The following MYT1L variants were observed in gnomAD, a reference collection of about 807,000 sequenced individuals.
MYT1L encodes the protein myelin transcription factor 1-like protein.
MYT1L carries 12 observed loss-of-function variants against 126.7 expected under a neutral mutation model. That is an observed-to-expected ratio of 0.09 (90% CI 0.06 to 0.15). The LOEUF (loss-of-function observed/expected upper bound fraction) is 0.15. Among genes scored for constraint, MYT1L ranks in the 10% least tolerant of loss-of-function variants. The pLI is 1.00. For synonymous variants in MYT1L, 541 were observed against 604.2 expected (o/e 0.90, Z 1.53); for missense variants, 979 against 1,585.2 (o/e 0.62, Z 6.49).
In MYT1L at chr2:2,293,662, G is replaced by A. The variant is rs149358902; in HGVS notation, c.-520-9159C>T. On this transcript the variant is annotated intron_variant, in intron 1 of 24. Transcript: ENST00000647738. ...TGTCTGTGTCCCTTAGGTGCGCAGG[G>A]CCAAAGCTTCCGCCTGAGGCTGCCC... Among the ~76,000 whole-genome samples, 140 of 152,300 alleles carry A rather than the reference G, an allele frequency of 9.2e-4. 1 individual carries two copies. The highest frequency in any genetic ancestry group is 3.2e-3 in the African/African-American group (132 of 41,568).
At chr2:2,058,310 T>C (rs180821760) in intron 3 of MYT1L, among the ~76,000 whole-genome samples, 1 of 152,284 alleles carries the variant, frequency 6.6e-6, no homozygotes, top group South Asian at 2.1e-4. Context: ...TCATTGTATA[T>C]TCTAGATACT....
At chr2:2,292,081 G>A (rs1319666914) in intron 1 of MYT1L, among the ~76,000 whole-genome samples, 1 of 152,188 alleles carries the variant, frequency 6.6e-6, no homozygotes, top group East Asian at 1.9e-4. Context: ...GCTTCCCTCT[G>A]TTGGTGTGGA....
intron 3 of MYT1L, among the ~76,000 whole-genome samples, chr2:2,129,163 G>A (rs989527182): frequency 6.6e-6 from 1 of 152,222 alleles, no homozygotes; most frequent in African/African-American, 2.4e-5. Flanking sequence ...TGAATGTGGT[G>A]ATGCAGCAGA....
chr2:1,918,754 C>T (rs1054297151), intron 10 of MYT1L, among the ~76,000 whole-genome samples: 4 of 152,150 alleles, frequency 2.6e-5, no homozygotes, highest in African/African-American at 7.2e-5. Context: ...TACAATCATC[C>T]GTTACTTTCC....
chr2:2,037,812 A>AC (rs113684353), intron 4 of MYT1L, among the ~76,000 whole-genome samples: 20,084 of 151,754 alleles, frequency 0.13, 1,604 homozygotes, highest in African/African-American at 0.2. Context: ...AACAAAAAAA[A>AC]AACCCCCTAC....
At chr2:2,084,433 G>T (rs2150339918) in intron 3 of MYT1L, among the ~76,000 whole-genome samples, 1 of 152,338 alleles carries the variant, frequency 6.6e-6, no homozygotes, top group East Asian at 1.9e-4. Flanking sequence ...GATCAGGTTA[G>T]AAAACACTGA....
intron 14 of MYT1L, among the ~76,000 whole-genome samples, chr2:1,896,348 G>A (rs745989532): frequency 4.6e-5 from 7 of 152,174 alleles, no homozygotes; most frequent in Non-Finnish European, 8.8e-5. Context: ...TTACCCAAAT[G>A]AAAATAGATC....
chr2:2,115,427 G>A (rs907899787), intron 3 of MYT1L, among the ~76,000 whole-genome samples: 5 of 152,192 alleles, frequency 3.3e-5, no homozygotes, highest in Admixed American at 6.5e-5. Context: ...GTTCTCTCAC[G>A]TTTTTATAAA....
chr2:1,947,310 C>T (rs6548052), intron 8 of MYT1L, among the ~76,000 whole-genome samples: 26,696 of 152,100 alleles, frequency 0.18, 3,493 homozygotes, highest in African/African-American at 0.36. Flanking sequence ...ATGTTGGCCC[C>T]ATGAGGTTTA....
chr2:1,869,740 A>G (rs993319595), intron 18 of MYT1L, among the ~76,000 whole-genome samples: 2 of 152,152 alleles, frequency 1.3e-5, no homozygotes, highest in African/African-American at 2.4e-5. Context: ...GACTTGGAAG[A>G]TGATTATTAT....
chr2:1,837,616 C>T (rs1001011106), intron 21 of MYT1L, among the ~76,000 whole-genome samples: 1 of 152,066 alleles, frequency 6.6e-6, no homozygotes, highest in African/African-American at 2.4e-5. Flanking sequence ...CTGGACAGGA[C>T]ACCAGGTGGC....
At chr2:2,070,860 T>C (rs2074516169) in intron 3 of MYT1L, among the ~76,000 whole-genome samples, 1 of 152,188 alleles carries the variant, frequency 6.6e-6, no homozygotes, top group Admixed American at 6.5e-5. Flanking sequence ...TTAATATCGA[T>C]TTGAATATTC....
At chr2:2,132,516 T>G (rs191237460) in intron 3 of MYT1L, among the ~76,000 whole-genome samples, 2 of 148,268 alleles carry the variant, frequency 1.3e-5, no homozygotes, top group African/African-American at 5.0e-5. Flanking sequence ...TAAGTGGGAG[T>G]TGAACAATGA....
At chr2:1,879,838 CATTTG>C (rs1437231473) in intron 18 of MYT1L, among the ~76,000 whole-genome samples, 24 of 152,184 alleles carry the variant, frequency 1.6e-4, no homozygotes, top group Admixed American at 1.3e-3. Flanking sequence ...CATTATTTTA[CATTTG>C]ATTTGATGAC....
intron 4 of MYT1L, among the ~76,000 whole-genome samples, chr2:2,010,987 C>T (rs2149757716): frequency 6.6e-6 from 1 of 152,290 alleles, no homozygotes; most frequent in South Asian, 2.1e-4. Flanking sequence ...GTACTTCAGC[C>T]CAGTGAGATG....
At chr2:2,179,620 T>C (rs900573520) in intron 2 of MYT1L, among the ~76,000 whole-genome samples, 5 of 152,226 alleles carry the variant, frequency 3.3e-5, no homozygotes, top group Non-Finnish European at 7.3e-5. Flanking sequence ...GTTTTACAGA[T>C]GAGGAATCCC....
intron 3 of MYT1L, among the ~76,000 whole-genome samples, chr2:2,073,181 C>T (rs2074813300): frequency 6.6e-6 from 1 of 152,158 alleles, no homozygotes. Flanking sequence ...TTTTAGAGGA[C>T]ACAAACATTG....
intron 1 of MYT1L, among the ~76,000 whole-genome samples, chr2:2,312,422 G>A (rs1219431193): frequency 2.0e-5 from 3 of 152,004 alleles, no homozygotes; most frequent in African/African-American, 7.2e-5. Context: ...ACCAGCCTGG[G>A]CAACATGGTG....
chr2:2,198,056 G>A (rs897978691), intron 2 of MYT1L, among the ~76,000 whole-genome samples: 8 of 151,318 alleles, frequency 5.3e-5, no homozygotes, highest in Middle Eastern at 3.4e-3. Flanking sequence ...ACACACACAC[G>A]TACACAATGG....
Sources: allele counts gnomAD v4.1 joint callset (sites outside exome capture counted in the v4.1 genomes callset), GRCh38; gene constraint gnomAD v4.1.1; transcripts MANE v1.5; gene names NCBI Gene and HGNC (gene_info 2026-07-23, HGNC 2026-07-21).